Variants in TRPS1 observed in about 807,000 individuals in gnomAD.
TRPS1 encodes the protein zinc finger transcription factor Trps1.
TRPS1 carries 6 observed loss-of-function variants against 101.2 expected under a neutral mutation model. The observed-to-expected ratio is 0.06, with a 90% CI of 0.03 to 0.12. The LOEUF (loss-of-function observed/expected upper bound fraction) is 0.12. Ranked by LOEUF, TRPS1 falls within the 10% of genes least tolerant of loss-of-function variation. TRPS1 has a pLI of 1.00. For synonymous variants in TRPS1, 578 were observed against 589.8 expected, an observed-to-expected ratio of 0.98 and a Z score of 0.29; for missense variants, 1,363 against 1,567.0, an observed-to-expected ratio of 0.87 and a Z score of 2.20.
At chr8:115,529,416 T>C (rs974343045) in intron 5 of TRPS1, among the ~76,000 whole-genome samples, 2 of 152,136 alleles carry the variant, frequency 1.3e-5, no homozygotes, top group Non-Finnish European at 2.9e-5. Context: ...ATATTTTCAT[T>C]ATTAATATTG....
At chr8:115,534,969 T>C (rs149287579) in intron 5 of TRPS1, among the ~76,000 whole-genome samples, 1,828 of 150,700 alleles carry the variant, frequency 0.012, 41 homozygotes, top group South Asian at 0.046. Context: ...AAAAGATATC[T>C]AAAGTAAAAC....
At chr8:115,658,850 AG>A (rs1408215867) in intron 1 of TRPS1, among the ~76,000 whole-genome samples, 1 of 152,170 alleles carries the variant, frequency 6.6e-6, no homozygotes, top group Non-Finnish European at 1.5e-5. Flanking sequence ...GACACAGTGA[AG>A]GTGCAAGATT....
rs55943562 is a variant in TRPS1, at chr8:115,642,842, G to GAA, written c.-121-19086_-121-19085dup. On this transcript the variant is annotated intron_variant, in intron 1 of 6. Coordinates refer to ENST00000395715, the MANE Select transcript of TRPS1 (RefSeq NM_014112.5). Reference sequence around the variant, plus strand: ...GATAATAAAAGCATGCTTACTTCGTGAAAAAAAATATATATATATATAAAT... The same window carrying GAA: ...GATAATAAAAGCATGCTTACTTCGTGAAAAAAAAAATATATATATATATAAAT... Among the ~76,000 whole-genome samples the GAA allele has an allele frequency of 2.8e-3, 394 of 143,196 alleles. 3 individuals carry two copies. Among genetic ancestry groups the GAA allele is most frequent in the South Asian group, 6.5e-3 (30 of 4,618 alleles). 93.9% of individuals were successfully genotyped at this position (143,196 alleles called of 152,430 possible).
At chr8:115,529,762 T>G (rs1816086671) in intron 5 of TRPS1, among the ~76,000 whole-genome samples, 1 of 152,138 alleles carries the variant, frequency 6.6e-6, no homozygotes, top group South Asian at 2.1e-4. Flanking sequence ...TGAGCAGAAC[T>G]ATAGAAAATG....
Position 115,413,530 on chromosome 8 carries a change from A to C in TRPS1, c.*493T>G, listed in dbSNP as rs1438226494. On this transcript the variant is annotated 3_prime_UTR_variant, in exon 7 of 7. Coordinates refer to ENST00000395715, the MANE Select transcript of TRPS1 (RefSeq NM_014112.5). ...ATTGAGAGGGCGCCATTTTTCTTTC[A>C]TTGCCCTGGACCTTCAATTTCTCCT... The C allele has an allele frequency of 6.5e-6, 1 of 152,980 alleles. No homozygotes were observed. Among genetic ancestry groups the C allele is most frequent in the Non-Finnish European group, 1.5e-5 (1 of 68,400 alleles). The allele number at this position is 152,980 out of a possible 1,614,324, so 9.5% of individuals were successfully genotyped here. A position where few individuals can be genotyped will look rare whatever the true frequency, so the allele number is the denominator to read the frequency against.
chr8:115,582,718 C>G (rs1459843878), intron 5 of TRPS1, among the ~76,000 whole-genome samples: 1 of 152,152 alleles, frequency 6.6e-6, no homozygotes, highest in African/African-American at 2.4e-5. Context: ...ACTCCCCAGG[C>G]CCATGGTTGA....
chr8:115,533,386 G>A (rs915250307), intron 5 of TRPS1, among the ~76,000 whole-genome samples: 2 of 134,796 alleles, frequency 1.5e-5, no homozygotes, highest in African/African-American at 5.4e-5. Flanking sequence ...TGAACTTTCT[G>A]ATTCTGAACA....
At chr8:115,430,927 A>C (rs1813303428) in intron 5 of TRPS1, among the ~76,000 whole-genome samples, 1 of 152,030 alleles carries the variant, frequency 6.6e-6, no homozygotes, top group Admixed American at 6.6e-5. Context: ...TGTTAATTTT[A>C]TATTAAAAAA....
intron 5 of TRPS1, among the ~76,000 whole-genome samples, chr8:115,489,279 G>A (rs903773493): frequency 2.0e-5 from 3 of 152,142 alleles, no homozygotes; most frequent in Non-Finnish European, 4.4e-5. Flanking sequence ...ACATTGTCCA[G>A]TTACTCCCAT....
chr8:115,500,190 C>A (rs1197692997), intron 5 of TRPS1, among the ~76,000 whole-genome samples: 1 of 151,800 alleles, frequency 6.6e-6, no homozygotes, highest in Non-Finnish European at 1.5e-5. Flanking sequence ...GCACCACGCC[C>A]GGCCAATTTT....
rs111643307 is a variant in TRPS1 at position 115,485,577 on chromosome 8, C to A, written c.2701-67125G>T. Among the ~76,000 whole-genome samples the A allele has an allele frequency of 4.0e-3, 608 of 152,214 alleles. 7 individuals are homozygous for A. The highest frequency in any genetic ancestry group is 0.014 in the African/African-American group (570 of 41,530). On this transcript the variant is annotated intron_variant, in intron 5 of 6. Coordinates refer to ENST00000395715, the MANE Select transcript of TRPS1 (RefSeq NM_014112.5). ...CTTGCTGAGTCATACCATATCCAAA[C>A]AATGTAGTTACTATATATGTTGCCT...
At chr8:115,482,133 A>G (rs1401007306) in intron 5 of TRPS1, among the ~76,000 whole-genome samples, 1 of 152,182 alleles carries the variant, frequency 6.6e-6, no homozygotes, top group Non-Finnish European at 1.5e-5. Context: ...ATTTTGGTGA[A>G]CCATTCTTTA....
chr8:115,567,501 G>C (rs1296448773), intron 5 of TRPS1, among the ~76,000 whole-genome samples: 3 of 152,032 alleles, frequency 2.0e-5, no homozygotes, highest in African/African-American at 7.2e-5. Context: ...TTGCCAAATT[G>C]ATACCTCTCT....
chr8:115,445,237 C>T (rs142801530), intron 5 of TRPS1, among the ~76,000 whole-genome samples: 125 of 152,296 alleles, frequency 8.2e-4, no homozygotes, highest in African/African-American at 2.5e-3. Context: ...CAAGACTCCA[C>T]GTTCCATGAA....
intron 4 of TRPS1, among the ~76,000 whole-genome samples, chr8:115,594,748 T>C (rs200741434): frequency 1.3e-5 from 2 of 151,976 alleles, no homozygotes; most frequent in Admixed American, 1.3e-4. Context: ...TAGAGAATAT[T>C]ATGAATTATT....
Position 115,587,475 on chromosome 8 carries a change from G to A in TRPS1, c.2226C>T (p.Asp742=). ...CTTTGATGGTGGATATGGCATGACC[G>A]TCCTCTTCGCCGTTGGCTGTAGTGA... is the stretch of plus-strand genomic sequence containing the variant. ...QDITTANGEE[D]GHAISTIKEE... Residue 742 remains aspartate, a synonymous_variant, in exon 5 of 7, where the codon GAC becomes GAT. Coordinates refer to ENST00000395715, the MANE Select transcript of TRPS1 (RefSeq NM_014112.5). 1 of 1,614,112 alleles carries A rather than the reference G, an allele frequency of 6.2e-7. No individual in the cohort carries two copies. The highest frequency in any genetic ancestry group is 8.5e-7 in the Non-Finnish European group (1 of 1,180,012).
chr8:115,471,246 G>A (rs146498129), intron 5 of TRPS1, among the ~76,000 whole-genome samples: 1 of 152,290 alleles, frequency 6.6e-6, no homozygotes, highest in Non-Finnish European at 1.5e-5. Flanking sequence ...AAGTTTCACA[G>A]GGCTGGGGAG....
At chr8:115,577,212 T>G (rs542457141) in intron 5 of TRPS1, among the ~76,000 whole-genome samples, 8 of 152,256 alleles carry the variant, frequency 5.3e-5, no homozygotes, top group African/African-American at 1.9e-4. Context: ...TTTAAAAAAA[T>G]AGCAAATAAT....
chr8:115,629,955 C>T (rs988624929), intron 1 of TRPS1, among the ~76,000 whole-genome samples: 13 of 151,776 alleles, frequency 8.6e-5, no homozygotes, highest in East Asian at 3.9e-4. Flanking sequence ...CAAGCAGATC[C>T]CATAGCTTTA....
Sources: gnomAD v4.1 joint callset for allele counts (sites outside exome capture counted in the v4.1 genomes callset) on GRCh38, gnomAD v4.1.1 for gene constraint, MANE v1.5 for transcripts, NCBI Gene and HGNC (gene_info 2026-07-23, HGNC 2026-07-21) for gene names.